The following IWS1 variants were observed in gnomAD, a reference collection of about 807,000 sequenced individuals.
IWS1 encodes the protein protein IWS1 homolog.
IWS1 carries 27 observed loss-of-function variants against 86.7 expected under a neutral mutation model. The observed-to-expected ratio is 0.31, with a 90% CI of 0.23 to 0.43. The LOEUF (loss-of-function observed/expected upper bound fraction) is 0.43. Among genes scored for constraint, IWS1 ranks in the 20% least tolerant of loss-of-function variants. The pLI is 1.00. For missense variants in IWS1, 827 were observed against 1,000.8 expected (o/e 0.83, Z 2.34); for synonymous variants, 313 against 335.1 (o/e 0.93, Z 0.72).
chr2:127,518,758 G>T (rs1408152665), intron 2 of IWS1, among the ~76,000 whole-genome samples: 1 of 151,820 alleles, frequency 6.6e-6, no homozygotes, highest in Non-Finnish European at 1.5e-5. Context: ...GTAGAGACGG[G>T]GTTTCACCAC....
chr2:127,525,897 T>C (rs1558776944), intron 1 of IWS1, among the ~76,000 whole-genome samples: 1 of 152,236 alleles, frequency 6.6e-6, no homozygotes, highest in Non-Finnish European at 1.5e-5. Context: ...ACACCTCTCC[T>C]TCCCTGCACA....
chr2:127,487,875 A>G (rs1690010907), intron 12 of IWS1: 1 of 152,284 alleles, frequency 6.6e-6, no homozygotes, highest in Non-Finnish European at 1.5e-5. Flanking sequence ...TAACCTTCAT[A>G]TATATATGAA....
Position 127,494,972 on chromosome 2 carries a change from A to T in IWS1, c.1717-18T>A, listed in dbSNP as rs371204524. 2.7e-6 allele frequency: 4 copies of T among 1,500,056 alleles called. No homozygotes were observed. Among genetic ancestry groups the T allele is most frequent in the African/African-American group, 2.8e-5 (2 of 70,976 alleles). The allele number at this position is 1,500,056 out of a possible 1,614,324, so 92.9% of individuals were successfully genotyped here. A position where few individuals can be genotyped will look rare whatever the true frequency, so the allele number is the denominator to read the frequency against. On this transcript the variant is annotated intron_variant, in intron 7 of 13. Transcript: ENST00000295321. ...CTGTCTTCCTATTCAGAAAAAAAAT[A>T]AAGATTTTTTTTTAAAACAGTACTT...
At chr2:127,484,142 A>G (rs932961556) in intron 13 of IWS1, among the ~76,000 whole-genome samples, 1 of 152,016 alleles carries the variant, frequency 6.6e-6, no homozygotes, top group Non-Finnish European at 1.5e-5. Context: ...CATCTCTACT[A>G]AAAATACAAA....
chr2:127,513,466 TTCC>T (rs1691582558), intron 2 of IWS1, among the ~76,000 whole-genome samples: 1 of 152,178 alleles, frequency 6.6e-6, no homozygotes, highest in Non-Finnish European at 1.5e-5. Flanking sequence ...GAAACTATCT[TTCC>T]ATGTATGCTT....
chr2:127,524,926 C>G (rs981926763), intron 1 of IWS1, among the ~76,000 whole-genome samples: 11 of 150,660 alleles, frequency 7.3e-5, no homozygotes, highest in Non-Finnish European at 1.5e-4. Flanking sequence ...CTTGCTCTGT[C>G]GCCCAGGCTT....
chr2:127,490,360 A>C (rs777737561), intron 10 of IWS1, among the ~76,000 whole-genome samples: 1 of 152,240 alleles, frequency 6.6e-6, no homozygotes, highest in African/African-American at 2.4e-5. Context: ...ACTCCTTTAC[A>C]ACTACCTTAC....
At chr2:127,522,939 G>A (rs1190408123) in intron 2 of IWS1, among the ~76,000 whole-genome samples, 1 of 152,230 alleles carries the variant, frequency 6.6e-6, no homozygotes, top group Non-Finnish European at 1.5e-5. Context: ...GCCAGGTGTG[G>A]TGGCTCACGC....
chr2:127,523,824 G>T, intron 1 of IWS1, 33 bp from the exon 2 acceptor site: 1 of 1,428,442 alleles, frequency 7.0e-7, no homozygotes, highest in Non-Finnish European at 9.8e-7. Context: ...CCAACTTATG[G>T]TGTAAGATGA....
chr2:127,498,102 A>T, intron 6 of IWS1, 38 bp downstream of exon 6: 2 of 1,482,812 alleles, frequency 1.3e-6, no homozygotes, highest in Middle Eastern at 1.7e-4. Context: ...CTTGATTTTT[A>T]AACTTCTCTT....
At chr2:127,526,568 A>G (rs1207757190), upstream of IWS1, 3 of 1,404,284 alleles carry the variant, frequency 2.1e-6, no homozygotes, top group Non-Finnish European at 2.8e-6. Context: ...AACAGCAATG[A>G]CGCCAGGCAC....
intron 5 of IWS1, among the ~76,000 whole-genome samples, chr2:127,498,549 G>C (rs1378667378): frequency 1.3e-5 from 2 of 152,136 alleles, no homozygotes; most frequent in Non-Finnish European, 2.9e-5. Flanking sequence ...AAAGAATCTA[G>C]AGGCCAATCC....
At chr2:127,494,666 C>T (rs1573518660) in intron 8 of IWS1, 4 of 372,864 alleles carry the variant, frequency 1.1e-5, no homozygotes, top group African/African-American at 4.2e-5. Context: ...TCGTTAGTAT[C>T]AATTTTTTAT....
In IWS1 at chr2:127,492,182, C is replaced by T. The variant is rs946935406; in HGVS notation, c.1930-94G>A. 3.3e-5 allele frequency: 24 copies of T among 736,902 alleles called. No individual in the cohort carries two copies. The South Asian group carries it at 3.6e-4, about 11-fold the overall frequency. The allele number at this position is 736,902 out of a possible 1,614,324, so 45.6% of individuals were successfully genotyped here. On this transcript the variant is annotated intron_variant, in intron 9 of 13. Transcript: ENST00000295321. ...GAGACCTGGCACATTCACAACAGAA[C>T]AAATAAAAAATTCCATTTTCAGGAT...
At chr2:127,486,475 G>C in intron 13 of IWS1, 78 bp downstream of exon 13, 3 of 1,024,672 alleles carry the variant, frequency 2.9e-6, no homozygotes, top group Non-Finnish European at 1.5e-6. Flanking sequence ...GAGCTACAAG[G>C]GTTATTAACA....
chr2:127,524,838 GA>G (rs1016948937), intron 1 of IWS1, among the ~76,000 whole-genome samples: 11 of 150,568 alleles, frequency 7.3e-5, no homozygotes, highest in Admixed American at 6.6e-4. Context: ...CAAATGAATG[GA>G]AAAAAAACTA....
At chr2:127,518,258 G>A (rs1216133382) in intron 2 of IWS1, among the ~76,000 whole-genome samples, 1 of 152,184 alleles carries the variant, frequency 6.6e-6, no homozygotes, top group Non-Finnish European at 1.5e-5. Context: ...GCTCATACCT[G>A]TAATCCCAGC....
At chr2:127,485,609 C>T (rs944741540) in intron 13 of IWS1, among the ~76,000 whole-genome samples, 12 of 152,070 alleles carry the variant, frequency 7.9e-5, no homozygotes, top group African/African-American at 2.7e-4. Flanking sequence ...TTCATAAAAA[C>T]GGGTACCAGT....
intron 2 of IWS1, among the ~76,000 whole-genome samples, chr2:127,516,501 G>A (rs1022822885): frequency 6.6e-6 from 1 of 152,122 alleles, no homozygotes; most frequent in African/African-American, 2.4e-5. Flanking sequence ...TGGCTCACAC[G>A]TGTAATCCCA....
Sources: gnomAD v4.1 joint callset for allele counts (sites outside exome capture counted in the v4.1 genomes callset) on GRCh38, gnomAD v4.1.1 for gene constraint, MANE v1.5 for transcripts, NCBI Gene and HGNC (gene_info 2026-07-23, HGNC 2026-07-21) for gene names.